Variants in ANK2 observed in about 807,000 individuals in gnomAD.
The protein encoded by ANK2 is ankyrin-2.
ANK2 carries 83 observed loss-of-function variants against 360.5 expected under a neutral mutation model. That is an observed-to-expected ratio of 0.23 (90% CI 0.19 to 0.28). The LOEUF is 0.28. Ranked by LOEUF, ANK2 falls within the 10% of genes least tolerant of loss-of-function variation. The pLI, the probability that ANK2 is intolerant of heterozygous loss-of-function variation, is 1.00. For missense variants in ANK2, 4,201 were observed against 4,795.7 expected (o/e 0.88, Z 3.66); for synonymous variants, 1,740 against 1,759.5 (o/e 0.99, Z 0.28).
At chr4:112,974,820 T>C (rs2040791248) in intron 2 of ANK2, among the ~76,000 whole-genome samples, 1 of 151,986 alleles carries the variant, frequency 6.6e-6, no homozygotes, top group South Asian at 2.1e-4. Flanking sequence ...TAGCTCCTAT[T>C]TTTGTCCTGG....
At chr4:113,374,645 T>C in intron 45 of ANK2, 1 of 587,264 alleles carries the variant, frequency 1.7e-6, no homozygotes. Context: ...CATTGCTGTT[T>C]TCTGGAAAGC....
intron 1 of ANK2, among the ~76,000 whole-genome samples, chr4:113,085,515 G>A (rs2084236153): frequency 6.6e-6 from 1 of 151,872 alleles, no homozygotes; most frequent in Non-Finnish European, 1.5e-5. Context: ...CACTGTGTTA[G>A]CTAGGATGGT....
chr4:112,831,751 C>T (rs2059785814), intron 1 of ANK2, among the ~76,000 whole-genome samples: 1 of 152,164 alleles, frequency 6.6e-6, no homozygotes, highest in South Asian at 2.1e-4. Context: ...TCCACGCCAC[C>T]TTTATAAGCT....
At chr4:113,365,225 GTGTGTGTT>G in intron 41 of ANK2, 43 bp downstream of exon 41, 1 of 1,588,608 alleles carries the variant, frequency 6.3e-7, no homozygotes, top group Non-Finnish European at 8.6e-7. Context: ...GTGTGTGTGT[GTGTGTGTT>G]GTGTCTGTGT....
chr4:112,919,739 A>G (rs2090960361), intron 2 of ANK2, among the ~76,000 whole-genome samples: 1 of 152,262 alleles, frequency 6.6e-6, no homozygotes, highest in East Asian at 1.9e-4. Context: ...TGTTTTGCAA[A>G]TGTAGCAAAG....
At chr4:113,208,955 T>G in intron 4 of ANK2, among the ~76,000 whole-genome samples, 1 of 151,924 alleles carries the variant, frequency 6.6e-6, no homozygotes, top group East Asian at 1.9e-4. Context: ...GCCGGAGCAG[T>G]AAAGACAGTG....
At chr4:113,380,254 T>TA (rs11307685) in intron 45 of ANK2, among the ~76,000 whole-genome samples, 279 of 143,528 alleles carry the variant, frequency 1.9e-3, no homozygotes, top group Middle Eastern at 7.0e-3. Context: ...TACTTTACTC[T>TA]AAAAAAAAAA....
At chr4:112,793,682 A>G in the ANK2 span, among the ~76,000 whole-genome samples, 1 of 150,986 alleles carries the variant, frequency 6.6e-6, no homozygotes, top group Admixed American at 6.6e-5. Flanking sequence ...TAAAGCTCAG[A>G]TAGAAATAAA....
intron 45 of ANK2, among the ~76,000 whole-genome samples, chr4:113,376,766 A>AT (rs1444957735): frequency 2.2e-5 from 3 of 136,154 alleles, no homozygotes; most frequent in African/African-American, 8.0e-5. Context: ...TCTGCTTTTA[A>AT]TTTTTTAAAT....
At chr4:113,372,496 C>CAGG (rs1463867626) in intron 43 of ANK2, 1 of 1,295,664 alleles carries the variant, frequency 7.7e-7, no homozygotes, top group East Asian at 2.5e-5. Context: ...CATTCCTTAG[C>CAGG]ATGTTAAACA....
intron 1 of ANK2, among the ~76,000 whole-genome samples, chr4:112,901,455 G>T (rs1171988244): frequency 6.6e-6 from 1 of 152,210 alleles, no homozygotes; most frequent in Admixed American, 6.5e-5. Flanking sequence ...ATAAAGTTTA[G>T]GGAGGAAAGA....
At chr4:112,732,088 T>C in the ANK2 span, among the ~76,000 whole-genome samples, 37 of 152,174 alleles carry the variant, frequency 2.4e-4, no homozygotes, top group Admixed American at 4.6e-4. Flanking sequence ...AGGAAATTGG[T>C]AAGTGCTACA....
At chr4:112,939,303 T>C (rs779370942) in intron 2 of ANK2, among the ~76,000 whole-genome samples, 3 of 152,132 alleles carry the variant, frequency 2.0e-5, no homozygotes, top group Non-Finnish European at 4.4e-5. Context: ...ATTCTTTCTT[T>C]CTTTATTTTT....
rs1488830886 is a variant in ANK2 at position 113,381,381 on chromosome 4, A to G, written c.11860-76A>G. On this transcript the variant is annotated intron_variant, in intron 45 of 45. Transcript: ENST00000357077. Reference sequence around the variant, plus strand: ...GGTAAGACATTAGGTACTCAGTGTAATGGTCACCTTCATTCCTAACAGCTG... The same window carrying G: ...GGTAAGACATTAGGTACTCAGTGTAGTGGTCACCTTCATTCCTAACAGCTG... The G allele has an allele frequency of 1.1e-5, 16 of 1,505,704 alleles. No homozygotes were observed. In the South Asian group the frequency reaches 1.5e-4, roughly 14 times the overall value. The allele number at this position is 1,505,704 out of a possible 1,614,324, so 93.3% of individuals were successfully genotyped here.
chr4:113,079,104 C>T (rs748505656), intron 1 of ANK2, among the ~76,000 whole-genome samples: 2 of 152,172 alleles, frequency 1.3e-5, no homozygotes, highest in Non-Finnish European at 2.9e-5. Context: ...TACCTCCTAC[C>T]TCATGGTTCA....
intron 22 of ANK2, among the ~76,000 whole-genome samples, chr4:113,295,561 A>T (rs2070794505): frequency 6.6e-6 from 1 of 151,974 alleles, no homozygotes; most frequent in Non-Finnish European, 1.5e-5. Flanking sequence ...TCCTTTTAGA[A>T]CCCCCTCTGT....
intron 1 of ANK2, among the ~76,000 whole-genome samples, chr4:112,837,654 C>T (rs1431217242): frequency 6.6e-6 from 1 of 152,216 alleles, no homozygotes; most frequent in African/African-American, 2.4e-5. Context: ...GAAGCCCACC[C>T]CTTGCATCAG....
the ANK2 span, among the ~76,000 whole-genome samples, chr4:112,736,305 T>A: frequency 2.0e-5 from 3 of 151,676 alleles, no homozygotes; most frequent in Admixed American, 6.6e-5. Flanking sequence ...TCTACTAATA[T>A]ACAAAAAATT....
intron 1 of ANK2, among the ~76,000 whole-genome samples, chr4:113,164,839 A>G (rs1213310800): frequency 6.6e-6 from 1 of 152,194 alleles, no homozygotes; most frequent in African/African-American, 2.4e-5. Context: ...TTCTCTAAAC[A>G]TCCTGTAATA....
Sources: allele counts gnomAD v4.1 joint callset (sites outside exome capture counted in the v4.1 genomes callset), GRCh38; gene constraint gnomAD v4.1.1; transcripts MANE v1.5; gene names NCBI Gene and HGNC (gene_info 2026-07-23, HGNC 2026-07-21).